The following PTPRD variants were observed in gnomAD, a reference collection of about 807,000 sequenced individuals.
The protein encoded by PTPRD is protein tyrosine phosphatase receptor type D, also known as receptor-type tyrosine-protein phosphatase delta.
In PTPRD, 34 loss-of-function variants were observed where a neutral mutation model predicts 214.5. The ratio of observed to expected loss-of-function variants is 0.16; its 90% confidence interval spans 0.12 to 0.21. PTPRD has a LOEUF of 0.21. PTPRD is among the 10% of genes least tolerant of loss of function. The pLI is 1.00. For missense variants in PTPRD, 2,545 were observed against 2,398.7 expected (o/e 1.06, Z -1.27); for synonymous variants, 1,128 against 845.7 (o/e 1.33, Z -5.79).
intron 2 of PTPRD, among the ~76,000 whole-genome samples, chr9:10,450,863 A>G (rs1343945764): frequency 6.6e-6 from 1 of 151,972 alleles, no homozygotes; most frequent in African/African-American, 2.4e-5. Context: ...CATTCTTTGG[A>G]AAGAAAATAA....
At chr9:9,872,567 G>C (rs546499316) in intron 5 of PTPRD, among the ~76,000 whole-genome samples, 4 of 152,120 alleles carry the variant, frequency 2.6e-5, no homozygotes, top group African/African-American at 9.6e-5. Flanking sequence ...TCCAGCCTGG[G>C]CAACAGAGCA....
chr9:8,649,302 T>C (rs1244188635), intron 12 of PTPRD, among the ~76,000 whole-genome samples: 1 of 152,232 alleles, frequency 6.6e-6, no homozygotes, highest in African/African-American at 2.4e-5. Flanking sequence ...TGAGCCAATA[T>C]GAATTTTTGT....
intron 12 of PTPRD, chr9:8,713,847 G>C (rs879497663): frequency 1.8e-4 from 259 of 1,432,892 alleles, no homozygotes; most frequent in Non-Finnish European, 2.4e-4. Context: ...TCTAGGTGCA[G>C]GGCCCTCGCC....
At chr9:9,962,056 G>C (rs2094402048) in intron 4 of PTPRD, among the ~76,000 whole-genome samples, 1 of 152,176 alleles carries the variant, frequency 6.6e-6, no homozygotes, top group East Asian at 1.9e-4. Flanking sequence ...ACAAGTATAA[G>C]CAAATTTTAG....
intron 11 of PTPRD, among the ~76,000 whole-genome samples, chr9:8,853,341 A>C (rs1421780852): frequency 6.6e-6 from 1 of 152,194 alleles, no homozygotes; most frequent in Non-Finnish European, 1.5e-5. Context: ...AACAATCAGG[A>C]AGCACAAGTC....
At chr9:9,958,651 G>C (rs1056878037) in intron 4 of PTPRD, among the ~76,000 whole-genome samples, 10 of 152,098 alleles carry the variant, frequency 6.6e-5, no homozygotes, top group Admixed American at 3.3e-4. Flanking sequence ...ACACATATCT[G>C]CCAAAAAACT....
rs1026414546 is a variant in PTPRD, at chr9:9,074,098, T to G, written c.-142-55363A>C. On this transcript the variant is annotated intron_variant, in intron 10 of 45. Coordinates refer to ENST00000381196, the MANE Select transcript of PTPRD (RefSeq NM_002839.4). ...TTAAAATAATCCCACAAAAAAATAT[T>G]ATTTAGAGATGAAAAAACTAAAGCT... is the stretch of plus-strand genomic sequence containing the variant. 4.6e-5 allele frequency among the ~76,000 whole-genome samples: 7 copies of G among 152,172 alleles called. No individual in the cohort carries two copies. The East Asian group carries it at 1.4e-3, about 29-fold the overall frequency.
intron 3 of PTPRD, among the ~76,000 whole-genome samples, chr9:10,134,603 T>A (rs1187684225): frequency 2.0e-5 from 3 of 151,832 alleles, no homozygotes; most frequent in South Asian, 2.1e-4. Context: ...CAAATATATA[T>A]CCCGTACAGA....
chr9:10,380,750 G>C (rs2097803385), intron 2 of PTPRD, among the ~76,000 whole-genome samples: 1 of 148,724 alleles, frequency 6.7e-6, no homozygotes, highest in Non-Finnish European at 1.5e-5. Flanking sequence ...TATTTCTGCA[G>C]CCCTTGTCAT....
intron 2 of PTPRD, among the ~76,000 whole-genome samples, chr9:10,596,083 T>A (rs1451628577): frequency 6.6e-6 from 1 of 151,776 alleles, no homozygotes; most frequent in African/African-American, 2.4e-5. Flanking sequence ...ACATTTGCTG[T>A]CTGATTTATT....
chr9:9,521,832 C>T (rs1462960280), intron 8 of PTPRD, among the ~76,000 whole-genome samples: 3 of 151,898 alleles, frequency 2.0e-5, no homozygotes, highest in African/African-American at 7.3e-5. Context: ...GTTTAGTGTT[C>T]TTTGGGGGCT....
chr9:9,060,996 A>G (rs1360448355), intron 10 of PTPRD, among the ~76,000 whole-genome samples: 1 of 152,218 alleles, frequency 6.6e-6, no homozygotes, highest in Non-Finnish European at 1.5e-5. Flanking sequence ...AGCCAAATAC[A>G]AAAGCATACA....
chr9:10,608,704 G>A (rs2080141983), intron 2 of PTPRD, among the ~76,000 whole-genome samples: 1 of 152,132 alleles, frequency 6.6e-6, no homozygotes. Flanking sequence ...TTGTAGTGAT[G>A]AAAGATAAAC....
At chr9:9,492,098 G>C (rs1423246008) in intron 8 of PTPRD, among the ~76,000 whole-genome samples, 1 of 151,818 alleles carries the variant, frequency 6.6e-6, no homozygotes, top group African/African-American at 2.4e-5. Flanking sequence ...AGGATTATAA[G>C]AGAATACTAT....
intron 11 of PTPRD, among the ~76,000 whole-genome samples, chr9:8,750,477 T>A (rs1051388473): frequency 6.6e-6 from 1 of 151,750 alleles, no homozygotes; most frequent in African/African-American, 2.4e-5. Context: ...TTTTTTAAGG[T>A]ACCTGGTAAG....
chr9:9,602,610 T>C (rs2093857273), intron 7 of PTPRD, among the ~76,000 whole-genome samples: 1 of 152,120 alleles, frequency 6.6e-6, no homozygotes, highest in Non-Finnish European at 1.5e-5. Flanking sequence ...TTTTTATTTT[T>C]AAATAATACG....
chr9:10,523,333 CG>C (rs2053019707), intron 2 of PTPRD, among the ~76,000 whole-genome samples: 1 of 151,668 alleles, frequency 6.6e-6, no homozygotes, highest in South Asian at 2.1e-4. Flanking sequence ...CTCTAGAAGG[CG>C]TGTGTATTTC....
chr9:9,838,784 A>G (rs553064621), intron 5 of PTPRD, among the ~76,000 whole-genome samples: 1,891 of 152,038 alleles, frequency 0.012, 24 homozygotes, highest in African/African-American at 0.042. Context: ...GATCCCATTT[A>G]TCAATTTTGG....
chr9:10,366,978 T>C (rs1465216835), intron 2 of PTPRD, among the ~76,000 whole-genome samples: 1 of 151,980 alleles, frequency 6.6e-6, no homozygotes, highest in Admixed American at 6.6e-5. Context: ...GGTGAATACA[T>C]GGGTGGGTTT....
Sources: gnomAD v4.1 joint callset for allele counts (sites outside exome capture counted in the v4.1 genomes callset) on GRCh38, gnomAD v4.1.1 for gene constraint, MANE v1.5 for transcripts, NCBI Gene and HGNC (gene_info 2026-07-23, HGNC 2026-07-21) for gene names.